The following MDM4 variants were observed in gnomAD, a reference collection of about 807,000 sequenced individuals.
MDM4 encodes the protein MDM4 regulator of p53, also known as protein Mdm4.
A neutral mutation model predicts 60.2 loss-of-function variants in MDM4; 2 were observed. The observed-to-expected ratio is 0.03, with a 90% confidence interval of 0.01 to 0.10. MDM4 has a LOEUF of 0.10. Ranked by LOEUF, MDM4 falls within the 10% of genes least tolerant of loss-of-function variation. MDM4 has a pLI of 1.00. For missense variants in MDM4, 447 were observed against 577.5 expected (o/e 0.77, Z 2.32); for synonymous variants, 202 against 198.1 (o/e 1.02, Z -0.17).
intron 5 of MDM4, 70 bp downstream of exon 5, chr1:204,532,316 A>G: frequency 3.1e-6 from 3 of 978,810 alleles, no homozygotes; most frequent in East Asian, 2.4e-5. Flanking sequence ...ATGGGAAAAC[A>G]AAGAAGATGA....
chr1:204,531,101 A>G (rs1449468661), intron 4 of MDM4, among the ~76,000 whole-genome samples: 2 of 152,202 alleles, frequency 1.3e-5, no homozygotes, highest in African/African-American at 4.8e-5. Context: ...AAAGAGATAC[A>G]TGAAGCAGGG....
At chr1:204,523,915 A>G (rs1352467747) in intron 1 of MDM4, among the ~76,000 whole-genome samples, 1 of 152,122 alleles carries the variant, frequency 6.6e-6, no homozygotes, top group Non-Finnish European at 1.5e-5. Context: ...GTTGGACCGC[A>G]CAGTCTAAGC....
At chr1:204,532,624 T>G in intron 5 of MDM4, 1 of 701,640 alleles carries the variant, frequency 1.4e-6, no homozygotes, top group Non-Finnish European at 2.3e-6. Context: ...TTTCCCCCAG[T>G]TATCTCAAAA....
At chr1:204,534,174 A>C (rs1661154368) in intron 5 of MDM4, among the ~76,000 whole-genome samples, 1 of 152,198 alleles carries the variant, frequency 6.6e-6, no homozygotes, top group Non-Finnish European at 1.5e-5. Context: ...AACTTACTGA[A>C]TTTTGAAGCC....
chr1:204,538,705 A>G (rs1378812483), intron 7 of MDM4, among the ~76,000 whole-genome samples: 1 of 146,212 alleles, frequency 6.8e-6, no homozygotes, highest in South Asian at 2.1e-4. Flanking sequence ...CAATTTTCAT[A>G]CTTTTTTTTT....
chr1:204,550,534 A>G lies in MDM4; in HGVS notation c.*852A>G, dbSNP rs76087216. 17 of 186,214 alleles carry G rather than the reference A, an allele frequency of 9.1e-5. No homozygotes were observed. In the East Asian group the frequency reaches 1.4e-3, roughly 15 times the overall value. The allele number at this position is 186,214 out of a possible 1,614,324, so 11.5% of individuals were successfully genotyped here. A position where few individuals can be genotyped will look rare whatever the true frequency, so the allele number is the denominator to read the frequency against. On this transcript the variant is annotated 3_prime_UTR_variant, in exon 11 of 11. Coordinates refer to ENST00000367182, the MANE Select transcript of MDM4 (RefSeq NM_002393.5). The stretch of plus-strand genomic sequence containing the variant: ...GTACTTACAAAGGATATACTATCCA[A>G]CATATTGCATATTATATATGTGCTT...
rs1174365706 is a variant in MDM4, at chr1:204,551,874, C to T, written c.*2192C>T. ...CAGAACATACTTTTGGAATCCTTGC[C>T]CTAGACAGGGGTGTCCAATCTTTTG... On this transcript the variant is annotated 3_prime_UTR_variant, in exon 11 of 11. Transcript: ENST00000367182. 4.9e-6 allele frequency: 1 copy of T among 203,646 alleles called. No homozygotes were observed. The highest frequency in any genetic ancestry group is 7.4e-5 in the East Asian group (1 of 13,464). The allele number at this position is 203,646 out of a possible 1,614,324, so 12.6% of individuals were successfully genotyped here.
intron 1 of MDM4, among the ~76,000 whole-genome samples, chr1:204,522,542 C>T (rs565450351): frequency 4.0e-5 from 6 of 151,804 alleles, no homozygotes; most frequent in African/African-American, 7.3e-5. Flanking sequence ...GGACTACAGG[C>T]GTGTGCCACC....
intron 1 of MDM4, among the ~76,000 whole-genome samples, chr1:204,518,257 G>A (rs1203585485): frequency 6.6e-6 from 1 of 152,146 alleles, no homozygotes; most frequent in Non-Finnish European, 1.5e-5. Flanking sequence ...TGGACTCTAG[G>A]GATCCTCCTG....
At position 204,524,506 on chromosome 1, in the gene MDM4, T is replaced by C. The variant is rs529296207; in HGVS notation, c.-35-978T>C. On this transcript the variant is annotated intron_variant, in intron 1 of 10. Transcript: ENST00000367182. The stretch of plus-strand genomic sequence containing the variant: ...TAAAAATCTATTTTCCGGCTGGGCA[T>C]GGTGGCTCACGCCTGTAATCCCAGC... Among the ~76,000 whole-genome samples the C allele has an allele frequency of 2.4e-4, 37 of 152,366 alleles. No individual in the cohort carries two copies. In the East Asian group the frequency reaches 6.7e-3, roughly 28 times the overall value.
At chr1:204,535,231 C>T (rs548136558) in intron 5 of MDM4, among the ~76,000 whole-genome samples, 1 of 148,176 alleles carries the variant, frequency 6.7e-6, no homozygotes. Context: ...GATTTTGGCT[C>T]ACTGCAGCCT....
chr1:204,525,258 C>A, intron 1 of MDM4: 1 of 871,754 alleles, frequency 1.1e-6, no homozygotes, highest in Non-Finnish European at 1.4e-6. Context: ...ACTGTTTCAG[C>A]CTTCACCTGA....
At chr1:204,546,666 G>A in intron 9 of MDM4, 131 bp from the exon 10 acceptor site, 1 of 601,338 alleles carries the variant, frequency 1.7e-6, no homozygotes, top group Non-Finnish European at 3.0e-6. Flanking sequence ...CATTTAAGCT[G>A]TCTCCTTAAG....
At chr1:204,521,800 A>G (rs1043190958) in intron 1 of MDM4, among the ~76,000 whole-genome samples, 1 of 152,196 alleles carries the variant, frequency 6.6e-6, no homozygotes, top group African/African-American at 2.4e-5. Flanking sequence ...GACACTGGAA[A>G]TGTATAAATA....
At position 204,544,596 on chromosome 1, in the gene MDM4, T is replaced by C. The variant is rs372940927; in HGVS notation, c.734T>C (p.Val245Ala). The C allele has an allele frequency of 1.2e-4, 199 of 1,613,898 alleles. 1 individual carries two copies. Among genetic ancestry groups the C allele is most frequent in the South Asian group, 6.8e-4 (62 of 91,072 alleles). The change falls in exon 9 of 11, where the codon GTA becomes GCA. Residue 245 changes from valine to alanine, a missense_variant. Transcript: ENST00000367182. ...TDDLWFLNESVSEQLGVGIKV... is the reference protein window; with the variant it reads ...TDDLWFLNESASEQLGVGIKV... ...GACTTGTGGTTTTTGAATGAGTCAG[T>C]ATCAGAGCAGTTAGGTGTTGGAATA...
intron 3 of MDM4, among the ~76,000 whole-genome samples, chr1:204,528,382 A>G (rs1020604694): frequency 1.3e-5 from 2 of 152,182 alleles, no homozygotes; most frequent in South Asian, 2.1e-4. Context: ...CCCAGGGGCA[A>G]ATCTCTCTCA....
Position 204,526,253 on chromosome 1 carries a change from C to T in MDM4, c.79-107C>T, listed in dbSNP as rs1660133497. 10 of 931,300 alleles carry T rather than the reference C, an allele frequency of 1.1e-5. No homozygotes were observed. In the East Asian group the frequency reaches 2.7e-4, roughly 25 times the overall value. 57.7% of individuals were successfully genotyped at this position (931,300 alleles called of 1,614,324 possible). A position where few individuals can be genotyped will look rare whatever the true frequency, so the allele number is the denominator to read the frequency against. ...CCAAGGCGACAGAGCAAGACCTTGCCTCAAAAAACAAAAGCGGGGGGAGCT... is the reference window on the plus strand; with the variant it reads ...CCAAGGCGACAGAGCAAGACCTTGCTTCAAAAAACAAAAGCGGGGGGAGCT... On this transcript the variant is annotated intron_variant, in intron 2 of 10. Transcript: ENST00000367182.
intron 10 of MDM4, among the ~76,000 whole-genome samples, chr1:204,547,534 C>T (rs1170733046): frequency 3.3e-5 from 5 of 152,282 alleles, no homozygotes; most frequent in South Asian, 2.1e-4. Flanking sequence ...GGGGATTTTA[C>T]ATTTTGCTGC....
chr1:204,541,684 C>CT (rs1662099911), intron 7 of MDM4, among the ~76,000 whole-genome samples: 1 of 152,086 alleles, frequency 6.6e-6, no homozygotes, highest in South Asian at 2.1e-4. Context: ...GGAAGAATAA[C>CT]TTTAATATGG....
Sources: allele counts gnomAD v4.1 joint callset (sites outside exome capture counted in the v4.1 genomes callset), GRCh38; gene constraint gnomAD v4.1.1; transcripts MANE v1.5; gene names NCBI Gene and HGNC (gene_info 2026-07-23, HGNC 2026-07-21).